The following ZFPM1 variants were observed in gnomAD, a reference collection of about 807,000 sequenced individuals.
The protein encoded by ZFPM1 is zinc finger protein, FOG family member 1.
In ZFPM1, 28 loss-of-function variants were observed where a neutral mutation model predicts 46.3. The ratio of observed to expected loss-of-function variants is 0.60; its 90% CI spans 0.45 to 0.83. The LOEUF is 0.83. Among genes scored for constraint, ZFPM1 ranks in the 40% least tolerant of loss-of-function variants. The pLI is 0.00. For missense variants in ZFPM1, 1,878 were observed against 1,432.4 expected (o/e 1.31, Z -5.02); for synonymous variants, 957 against 675.9 (o/e 1.42, Z -6.45).
At chr16:88,502,151 T>C (rs1910397056) in intron 3 of ZFPM1, among the ~76,000 whole-genome samples, 1 of 150,590 alleles carries the variant, frequency 6.6e-6, no homozygotes, top group East Asian at 2.0e-4. Context: ...ATTTCCTCAC[T>C]GCGCTTTTCC....
chr16:88,464,664 C>G (rs578251422), intron 1 of ZFPM1, among the ~76,000 whole-genome samples: 3 of 152,272 alleles, frequency 2.0e-5, no homozygotes, highest in Non-Finnish European at 1.5e-5. Context: ...TGGCTCAAGC[C>G]GATCATTCCC....
intron 1 of ZFPM1, among the ~76,000 whole-genome samples, chr16:88,467,856 G>T (rs1908209173): frequency 6.6e-6 from 1 of 152,146 alleles, no homozygotes; most frequent in African/African-American, 2.4e-5. Context: ...TGATAAAAAA[G>T]GGCGATGCGT....
At position 88,520,547 on chromosome 16, in the gene ZFPM1, AGGATGGATGGAT is replaced by A. The variant is rs369543826; in HGVS notation, c.402+6058_402+6069del. On this transcript the variant is annotated intron_variant, in intron 4 of 9. Coordinates refer to ENST00000319555, the MANE Select transcript of ZFPM1 (RefSeq NM_153813.3). ...ATGAATGAATGGGTGGGTGGCTGAA[AGGATGGATGGAT>A]GGATGGATGGATGGATGGATGGATG... 6.6e-3 allele frequency among the ~76,000 whole-genome samples: 715 copies of A among 107,912 alleles called. 12 individuals carry two copies. Among genetic ancestry groups the A allele is most frequent in the African/African-American group, 0.026 (610 of 23,854 alleles). The allele number at this position is 107,912 out of a possible 152,430, so 70.8% of individuals were successfully genotyped here.
chr16:88,523,480 G>A (rs1178184267), intron 4 of ZFPM1, among the ~76,000 whole-genome samples: 23 of 152,192 alleles, frequency 1.5e-4, no homozygotes, highest in Non-Finnish European at 1.5e-5. Context: ...GTGGCCCCGG[G>A]CTGGCTTCAG....
intron 3 of ZFPM1, among the ~76,000 whole-genome samples, chr16:88,502,722 T>C (rs1910436246): frequency 7.9e-5 from 12 of 152,248 alleles, no homozygotes; most frequent in Admixed American, 7.8e-4. Flanking sequence ...CTCCTGGGAA[T>C]TTATCCCAGA....
intron 2 of ZFPM1, 98 bp downstream of exon 2, chr16:88,486,141 G>C: frequency 7.9e-7 from 1 of 1,268,846 alleles, no homozygotes; most frequent in South Asian, 1.3e-5. Flanking sequence ...GAGAGGTGTG[G>C]GCCAACTATA....
intron 1 of ZFPM1, among the ~76,000 whole-genome samples, chr16:88,479,324 T>C (rs1908822565): frequency 6.6e-6 from 1 of 152,084 alleles, no homozygotes; most frequent in Non-Finnish European, 1.5e-5. Flanking sequence ...GGATGAGAGA[T>C]GCTCCTAGCT....
chr16:88,528,420 G>A (rs569505453), intron 6 of ZFPM1, among the ~76,000 whole-genome samples, 182 bp downstream of exon 6: 4 of 152,188 alleles, frequency 2.6e-5, no homozygotes, highest in African/African-American at 9.7e-5. Context: ...AGGGACAGGA[G>A]GGTCCCCAGA....
At chr16:88,517,939 A>G (rs1911459003) in intron 4 of ZFPM1, among the ~76,000 whole-genome samples, 1 of 151,954 alleles carries the variant, frequency 6.6e-6, no homozygotes, top group South Asian at 2.1e-4. Flanking sequence ...GGCCAGGCGC[A>G]GTGGCTCATG....
chr16:88,481,184 G>A (rs1908920047), intron 1 of ZFPM1, among the ~76,000 whole-genome samples: 1 of 152,238 alleles, frequency 6.6e-6, no homozygotes, highest in Non-Finnish European at 1.5e-5. Flanking sequence ...GCACCACAGG[G>A]GCTGAGCCCA....
chr16:88,507,855 G>A (rs1910744892), intron 3 of ZFPM1, among the ~76,000 whole-genome samples: 1 of 152,174 alleles, frequency 6.6e-6, no homozygotes. Flanking sequence ...GCCCTCCTGG[G>A]AGGATACCCT....
In ZFPM1 at chr16:88,514,417, A is replaced by G; in HGVS notation, c.299A>G (p.Gln100Arg). The change falls in exon 4 of 10, where the codon CAG (glutamine) becomes CGG (arginine). Residue 100 changes from glutamine (Q) to arginine (R), a missense_variant. Physicochemically the swap from Gln to Arg is conservative, Grantham distance 43 (BLOSUM62 1). Coordinates refer to ENST00000319555, the MANE Select transcript of ZFPM1 (RefSeq NM_153813.3). ...DELEPVVQDG[Q>R]RRIRARLSLA... Reference sequence around the variant, plus strand: ...CTGGAGCCGGTGGTGCAGGATGGGCAGAGGCGCATACGGGCCCGACTCAGC... The same window carrying G: ...CTGGAGCCGGTGGTGCAGGATGGGCGGAGGCGCATACGGGCCCGACTCAGC... 1 of 1,562,546 alleles carries G rather than the reference A, an allele frequency of 6.4e-7. No individual in the cohort carries two copies. The highest frequency in any genetic ancestry group is 8.7e-7 in the Non-Finnish European group (1 of 1,153,828).
At chr16:88,502,977 A>G (rs1020426521) in intron 3 of ZFPM1, among the ~76,000 whole-genome samples, 11 of 152,220 alleles carry the variant, frequency 7.2e-5, no homozygotes, top group Non-Finnish European at 1.2e-4. Flanking sequence ...CAACCCCACC[A>G]GCCATGAAGG....
Position 88,499,382 on chromosome 16 carries a change from C to T in ZFPM1, c.268+10229C>T, listed in dbSNP as rs571511143. Among the ~76,000 whole-genome samples the T allele has an allele frequency of 3.7e-4, 38 of 102,370 alleles. No homozygotes were observed. The East Asian group carries it at 0.013, about 35-fold the overall frequency. 67.2% of individuals were successfully genotyped at this position (102,370 alleles called of 152,430 possible). On this transcript the variant is annotated intron_variant, in intron 3 of 9. Coordinates refer to ENST00000319555, the MANE Select transcript of ZFPM1 (RefSeq NM_153813.3). ...GAAAACAGACCTCCTCCAGAGCAGCCGCGGAGGAGAAGAGAGCAGTCGTGG... is the reference window on the plus strand; with the variant it reads ...GAAAACAGACCTCCTCCAGAGCAGCTGCGGAGGAGAAGAGAGCAGTCGTGG...
chr16:88,460,471 A>T (rs77811826), intron 1 of ZFPM1, among the ~76,000 whole-genome samples: 1 of 152,206 alleles, frequency 6.6e-6, no homozygotes, highest in African/African-American at 2.4e-5. Flanking sequence ...GATGAGGATG[A>T]AAAGGTCCTA....
At chr16:88,482,127 G>A (rs1032571057) in intron 1 of ZFPM1, among the ~76,000 whole-genome samples, 3 of 152,182 alleles carry the variant, frequency 2.0e-5, no homozygotes, top group African/African-American at 7.2e-5. Flanking sequence ...GCAGAGAGAG[G>A]GTCCCCAGAG....
intron 1 of ZFPM1, among the ~76,000 whole-genome samples, chr16:88,458,665 C>T (rs780156717): frequency 6.6e-6 from 1 of 152,226 alleles, no homozygotes; most frequent in African/African-American, 2.4e-5. Flanking sequence ...CCCATGGACC[C>T]GGCCCGGCCA....
intron 2 of ZFPM1, among the ~76,000 whole-genome samples, chr16:88,486,949 C>T (rs770068430): frequency 2.0e-5 from 3 of 152,176 alleles, no homozygotes; most frequent in Non-Finnish European, 2.9e-5. Flanking sequence ...ACTCAGCTCG[C>T]AAGTGCCCTA....
intron 4 of ZFPM1, among the ~76,000 whole-genome samples, chr16:88,518,680 G>C (rs922467140): frequency 8.0e-5 from 12 of 150,470 alleles, no homozygotes; most frequent in African/African-American, 2.9e-4. Context: ...TGAGTGGGTG[G>C]GTGGATGGAT....
Sources: allele counts gnomAD v4.1 joint callset (sites outside exome capture counted in the v4.1 genomes callset), GRCh38; gene constraint gnomAD v4.1.1; transcripts MANE v1.5; gene names NCBI Gene and HGNC (gene_info 2026-07-23, HGNC 2026-07-21).